NRG3: variants seen among roughly 807,000 people sequenced by gnomAD.
The protein encoded by NRG3 is neuregulin 3, also known as pro-neuregulin-3, membrane-bound isoform.
In NRG3, 31 loss-of-function variants were observed where a neutral mutation model predicts 66.9. That is an observed-to-expected ratio of 0.46 (90% CI 0.35 to 0.63). The LOEUF is 0.63. Among genes scored for constraint, NRG3 ranks in the 20% least tolerant of loss-of-function variants. The probability of loss-of-function intolerance (pLI) is 0.00; values close to 1 mark genes in which losing one functional copy is unlikely to be tolerated. For missense variants in NRG3, 910 were observed against 878.9 expected (o/e 1.04, Z -0.45); for synonymous variants, 393 against 359.4 (o/e 1.09, Z -1.06).
At chr10:81,925,311 A>G (rs967797945) in intron 1 of NRG3, among the ~76,000 whole-genome samples, 14 of 152,220 alleles carry the variant, frequency 9.2e-5, no homozygotes, top group African/African-American at 3.4e-4. Flanking sequence ...ACTTTGTGCA[A>G]CAGAATATAG....
intron 2 of NRG3, among the ~76,000 whole-genome samples, chr10:82,584,170 T>C (rs901861584): frequency 9.9e-5 from 15 of 152,186 alleles, no homozygotes; most frequent in African/African-American, 3.6e-4. Flanking sequence ...CACTGCAACC[T>C]CTGCCTCCTG....
At chr10:82,719,686 G>A (rs368647466) in intron 2 of NRG3, among the ~76,000 whole-genome samples, 4 of 152,232 alleles carry the variant, frequency 2.6e-5, no homozygotes, top group East Asian at 1.9e-4. Context: ...TGACTCAGAC[G>A]TCTCCCTTTC....
intron 1 of NRG3, among the ~76,000 whole-genome samples, chr10:82,333,780 T>C (rs1020124540): frequency 1.3e-5 from 2 of 152,146 alleles, no homozygotes; most frequent in African/African-American, 2.4e-5. Context: ...CTTATTCTCT[T>C]TTCTCATGGA....
chr10:81,963,786 T>C (rs2133302242), intron 1 of NRG3, among the ~76,000 whole-genome samples: 1 of 152,234 alleles, frequency 6.6e-6, no homozygotes, highest in South Asian at 2.1e-4. Flanking sequence ...CGTGGTGGAG[T>C]TACATGCTTT....
intron 3 of NRG3, among the ~76,000 whole-genome samples, chr10:82,842,274 A>G (rs1394380548): frequency 6.6e-6 from 1 of 152,132 alleles, no homozygotes; most frequent in East Asian, 1.9e-4. Flanking sequence ...AAAGGGCTTC[A>G]AGTGTTATAT....
At chr10:82,112,787 G>T (rs1303136539) in intron 1 of NRG3, among the ~76,000 whole-genome samples, 1 of 151,962 alleles carries the variant, frequency 6.6e-6, no homozygotes, top group East Asian at 1.9e-4. Flanking sequence ...CCTGATTTTT[G>T]CCAGGTCGTG....
chr10:82,018,432 C>G (rs1231944478), intron 1 of NRG3, among the ~76,000 whole-genome samples: 2 of 152,046 alleles, frequency 1.3e-5, no homozygotes, highest in Non-Finnish European at 2.9e-5. Context: ...TTTTTTGGTT[C>G]CATATGAACT....
rs115583006 is a variant in NRG3, at chr10:82,947,928, A to G, written c.1055-3541A>G. On this transcript the variant is annotated intron_variant, in intron 4 of 8. Coordinates refer to ENST00000372141, the MANE Select transcript of NRG3 (RefSeq NM_001010848.4). ...ATGTTAATGTTGATAGATAAAGTCC[A>G]TTTTATTGATTTTGAAATATTTTCT... Among the ~76,000 whole-genome samples, 352 of 152,144 alleles carry G rather than the reference A, an allele frequency of 2.3e-3. 2 individuals carry two copies. The highest frequency in any genetic ancestry group is 8.2e-3 in the African/African-American group (342 of 41,568).
intron 1 of NRG3, among the ~76,000 whole-genome samples, chr10:82,129,101 CG>C (rs2068647016): frequency 6.6e-6 from 1 of 151,904 alleles, no homozygotes; most frequent in Admixed American, 6.6e-5. Context: ...TTAGGAGAGA[CG>C]GGGTTTCACC....
At chr10:81,951,842 A>G (rs986074533) in intron 1 of NRG3, among the ~76,000 whole-genome samples, 2 of 152,260 alleles carry the variant, frequency 1.3e-5, no homozygotes, top group African/African-American at 4.8e-5. Context: ...CTGCGGCACT[A>G]TTCACAATAG....
At chr10:82,483,131 C>A (rs1842418304) in intron 2 of NRG3, among the ~76,000 whole-genome samples, 1 of 152,162 alleles carries the variant, frequency 6.6e-6, no homozygotes, top group Non-Finnish European at 1.5e-5. Flanking sequence ...TGGGGGATTT[C>A]TAGGAATATA....
At chr10:82,333,748 T>C (rs1454426980) in intron 1 of NRG3, among the ~76,000 whole-genome samples, 3 of 152,148 alleles carry the variant, frequency 2.0e-5, no homozygotes, top group Non-Finnish European at 4.4e-5. Context: ...TGACTTTTAA[T>C]TTTGGGTGGA....
chr10:82,380,267 A>ATTTT (rs75630576), intron 2 of NRG3, among the ~76,000 whole-genome samples: 46 of 151,738 alleles, frequency 3.0e-4, no homozygotes, highest in Non-Finnish European at 6.3e-4. Flanking sequence ...AGCAGATCAG[A>ATTTT]TTTTTTTTGC....
chr10:82,686,824 T>C (rs908716128), intron 2 of NRG3, among the ~76,000 whole-genome samples: 1 of 152,130 alleles, frequency 6.6e-6, no homozygotes, highest in Non-Finnish European at 1.5e-5. Context: ...TTGACAAAAA[T>C]CACTGAAATT....
At chr10:82,374,495 G>A (rs2085084460) in intron 2 of NRG3, among the ~76,000 whole-genome samples, 1 of 152,164 alleles carries the variant, frequency 6.6e-6, no homozygotes, top group South Asian at 2.1e-4. Context: ...TTAGGTATCA[G>A]CTGGGACCCA....
At chr10:82,738,515 G>T in intron 2 of NRG3, 62 bp from the exon 3 acceptor site, 2 of 1,307,508 alleles carry the variant, frequency 1.5e-6, no homozygotes, top group Non-Finnish European at 2.2e-6. Context: ...TATTTTACTT[G>T]TTGAAATCTT....
chr10:82,202,285 A>T (rs1037014182), intron 1 of NRG3, among the ~76,000 whole-genome samples: 11 of 152,168 alleles, frequency 7.2e-5, no homozygotes, highest in African/African-American at 2.7e-4. Flanking sequence ...CATTTTATAC[A>T]TGCATTGGAG....
At chr10:82,642,642 A>G (rs1217525378) in intron 2 of NRG3, among the ~76,000 whole-genome samples, 1 of 151,958 alleles carries the variant, frequency 6.6e-6, no homozygotes, top group East Asian at 1.9e-4. Context: ...TCCAATATAC[A>G]TACATACTGA....
intron 2 of NRG3, among the ~76,000 whole-genome samples, chr10:82,370,536 C>A (rs966131357): frequency 3.7e-5 from 4 of 106,976 alleles, no homozygotes; most frequent in Non-Finnish European, 6.6e-5. Flanking sequence ...AATGCCTATT[C>A]TTATTCAGGG....
Sources: gnomAD v4.1 joint callset for allele counts (sites outside exome capture counted in the v4.1 genomes callset) on GRCh38, gnomAD v4.1.1 for gene constraint, MANE v1.5 for transcripts, NCBI Gene and HGNC (gene_info 2026-07-23, HGNC 2026-07-21) for gene names.